Variants in MEMO1 observed in about 807,000 individuals in gnomAD.
MEMO1 encodes mediator of cell motility 1.
Under a neutral mutation model 45.2 loss-of-function variants are expected in MEMO1, and 6 were observed. That is an observed-to-expected ratio of 0.13 (90% CI 0.07 to 0.26). The LOEUF (loss-of-function observed/expected upper bound fraction) is 0.26, where lower values mean the gene tolerates loss of function less well. Ranked by LOEUF, MEMO1 falls within the 10% of genes least tolerant of loss-of-function variation. The pLI is 1.00. For missense variants in MEMO1, 184 were observed against 370.5 expected, an observed-to-expected ratio of 0.50 and a Z score of 4.13; for synonymous variants, 78 against 124.3, an observed-to-expected ratio of 0.63 and a Z score of 2.48.
intron 2 of MEMO1, among the ~76,000 whole-genome samples, chr2:31,966,732 C>A (rs78058732): frequency 7.6e-4 from 90 of 117,758 alleles, no homozygotes; most frequent in South Asian, 1.6e-3. Context: ...GACTCTGTCT[C>A]AAAAAAAAAA....
At chr2:31,906,435 T>G (rs772187494) in intron 6 of MEMO1, among the ~76,000 whole-genome samples, 50 of 152,046 alleles carry the variant, frequency 3.3e-4, no homozygotes, top group Non-Finnish European at 6.6e-4. Flanking sequence ...GCGATTCTCC[T>G]TTCTCAACCT....
chr2:32,006,954 G>C (rs1301282233), intron 2 of MEMO1, among the ~76,000 whole-genome samples: 1 of 98,232 alleles, frequency 1.0e-5, no homozygotes, highest in African/African-American at 4.0e-5. Context: ...AACACAGCAA[G>C]ATTCCATCTC....
rs1405126201 is a variant in MEMO1, at chr2:31,952,380, A to T, written c.62-8997T>A. ...CCACCTCTTAGATTTGGCCAACTGG[A>T]AATCACTTACTACTTTTCTGTCCGT... is the stretch of plus-strand genomic sequence containing the variant. On this transcript the variant is annotated intron_variant, in intron 2 of 9. Coordinates refer to ENST00000404530, the MANE Select transcript of MEMO1 (RefSeq NM_001301833.4). Among the ~76,000 whole-genome samples the T allele has an allele frequency of 2.6e-5, 4 of 152,228 alleles. No individual in the cohort carries two copies. In the South Asian group the frequency reaches 6.2e-4, roughly 24 times the overall value.
intron 2 of MEMO1, among the ~76,000 whole-genome samples, chr2:31,973,122 C>T (rs920138983): frequency 3.9e-5 from 6 of 152,166 alleles, no homozygotes; most frequent in African/African-American, 1.4e-4. Context: ...AGAATTGCCA[C>T]TGACCCACCA....
At chr2:32,008,078 T>C (rs1264707157) in intron 2 of MEMO1, among the ~76,000 whole-genome samples, 4 of 152,236 alleles carry the variant, frequency 2.6e-5, no homozygotes, top group African/African-American at 9.6e-5. Flanking sequence ...TTTCAGAGAA[T>C]AGTCCTCTTT....
chr2:31,877,794 TTAAA>T (rs1477965234), intron 8 of MEMO1, among the ~76,000 whole-genome samples: 1 of 152,186 alleles, frequency 6.6e-6, no homozygotes, highest in Non-Finnish European at 1.5e-5. Context: ...ATTTACATTC[TTAAA>T]TATATATTTA....
At chr2:31,998,905 G>A (rs1387124878) in intron 2 of MEMO1, among the ~76,000 whole-genome samples, 3 of 151,988 alleles carry the variant, frequency 2.0e-5, no homozygotes, top group Non-Finnish European at 4.4e-5. Context: ...ACACTTGACT[G>A]TACAGTGAAC....
intron 2 of MEMO1, among the ~76,000 whole-genome samples, chr2:31,945,428 C>T (rs1005607744): frequency 1.3e-5 from 2 of 152,148 alleles, no homozygotes; most frequent in Non-Finnish European, 2.9e-5. Flanking sequence ...TACAGCATTG[C>T]TAACTTGCCC....
chr2:31,873,991 G>A (rs891610943), intron 8 of MEMO1, among the ~76,000 whole-genome samples: 6 of 152,002 alleles, frequency 3.9e-5, no homozygotes, highest in Non-Finnish European at 5.9e-5. Context: ...ATGAGGTGAC[G>A]AAGGAACAAT....
At chr2:31,948,873 C>T (rs1487096236) in intron 2 of MEMO1, among the ~76,000 whole-genome samples, 2 of 152,114 alleles carry the variant, frequency 1.3e-5, no homozygotes, top group Admixed American at 6.6e-5. Context: ...TTCAAAATGC[C>T]ATCAATAACC....
intron 2 of MEMO1, among the ~76,000 whole-genome samples, chr2:32,009,766 G>A (rs1182705109): frequency 2.6e-5 from 4 of 152,190 alleles, no homozygotes; most frequent in Non-Finnish European, 4.4e-5. Context: ...GCGGCGTGGA[G>A]AAGCGGGGCT....
Position 31,978,337 on chromosome 2 carries a change from G to A in MEMO1, c.61+31850C>T, listed in dbSNP as rs531340235. Among the ~76,000 whole-genome samples the A allele has an allele frequency of 3.9e-4, 59 of 152,202 alleles. 1 individual carries two copies. The South Asian group carries it at 9.3e-3, about 24-fold the overall frequency. On this transcript the variant is annotated intron_variant, in intron 2 of 9. Coordinates refer to ENST00000404530, the MANE Select transcript of MEMO1 (RefSeq NM_001301833.4). ...AGGAGGAGGAGGTTGCAATGAGCCCGAGATCAGGTCATTGCACTCCACCCT... is the reference window on the plus strand; with the variant it reads ...AGGAGGAGGAGGTTGCAATGAGCCCAAGATCAGGTCATTGCACTCCACCCT...
intron 8 of MEMO1, among the ~76,000 whole-genome samples, chr2:31,872,354 G>A (rs1406846707): frequency 6.6e-6 from 1 of 152,070 alleles, no homozygotes; most frequent in African/African-American, 2.4e-5. Context: ...CATGTTGTAG[G>A]TGAACTTTTA....
intron 2 of MEMO1, among the ~76,000 whole-genome samples, chr2:31,973,803 G>A (rs1047062591): frequency 6.6e-6 from 1 of 152,142 alleles, no homozygotes; most frequent in African/African-American, 2.4e-5. Flanking sequence ...TGTGGTTTAT[G>A]GGGGATAAGA....
intron 4 of MEMO1, among the ~76,000 whole-genome samples, chr2:31,931,760 T>C (rs1057348535): frequency 6.6e-5 from 10 of 152,174 alleles, no homozygotes; most frequent in African/African-American, 2.4e-4. Flanking sequence ...TCAGAGGGCT[T>C]TGCATTTTTC....
intron 2 of MEMO1, among the ~76,000 whole-genome samples, chr2:31,969,583 GTGGGT>G: frequency 1.0e-5 from 1 of 99,002 alleles, no homozygotes; most frequent in East Asian, 2.7e-4. Context: ...GGGTGTGTGT[GTGGGT>G]GTGTGTGTGT....
intron 8 of MEMO1, among the ~76,000 whole-genome samples, chr2:31,870,641 ATC>A (rs1420149494): frequency 6.6e-6 from 1 of 152,096 alleles, no homozygotes; most frequent in Non-Finnish European, 1.5e-5. Context: ...CAGTGGTGCG[ATC>A]TCAGCTCACT....
chr2:31,916,778 C>T (rs1681512163), intron 6 of MEMO1, among the ~76,000 whole-genome samples: 1 of 152,046 alleles, frequency 6.6e-6, no homozygotes, highest in Non-Finnish European at 1.5e-5. Context: ...TTATATAATT[C>T]CTCATGGTTA....
At chr2:31,903,627 C>T (rs189399057) in intron 6 of MEMO1, among the ~76,000 whole-genome samples, 10 of 152,214 alleles carry the variant, frequency 6.6e-5, no homozygotes, top group Non-Finnish European at 5.9e-5. Flanking sequence ...CTTAAAAATG[C>T]TCTTGCTGAT....
Sources: gnomAD v4.1 joint callset for allele counts (sites outside exome capture counted in the v4.1 genomes callset) on GRCh38, gnomAD v4.1.1 for gene constraint, MANE v1.5 for transcripts, NCBI Gene and HGNC (gene_info 2026-07-23, HGNC 2026-07-21) for gene names.